STAT6: variants seen among roughly 807,000 people sequenced by gnomAD.
The protein encoded by STAT6 is signal transducer and activator of transcription 6.
A neutral mutation model predicts 106.3 loss-of-function variants in STAT6; 45 were observed. That is an observed-to-expected ratio of 0.42 (90% CI 0.33 to 0.54). The LOEUF is 0.54. Among genes scored for constraint, STAT6 ranks in the 20% least tolerant of loss-of-function variants. The pLI, the probability that STAT6 is intolerant of heterozygous loss-of-function variation, is 0.06. For synonymous variants in STAT6, 413 were observed against 413.6 expected, an observed-to-expected ratio of 1.00 and a Z score of 0.02; for missense variants, 797 against 1,062.2, an observed-to-expected ratio of 0.75 and a Z score of 3.47.
chr12:57,104,496 G>A lies in STAT6; in HGVS notation c.1180C>T (p.Leu394Phe). 6.2e-7 allele frequency: 1 copy of A among 1,612,244 alleles called. No individual in the cohort carries two copies. The highest frequency in any genetic ancestry group is 1.7e-5 in the Admixed American group (1 of 59,794). ...TGGATGGGGAGTTTGCCGGGGCCAA[G>A]TGTGAAGCTGGCAGAGAAGAGCACA... ...CAVLFSASFT[L>F]GPGKLPIQLQ... is the part of the protein sequence containing the mutation. Residue 394 changes from leucine (L) to phenylalanine (F), a missense_variant, in exon 11 of 22, where the codon CTT becomes TTT. Coordinates refer to ENST00000300134, the MANE Select transcript of STAT6 (RefSeq NM_003153.5).
intron 11 of STAT6, chr12:57,103,374 A>G (rs1366763583): frequency 6.4e-6 from 1 of 156,702 alleles, no homozygotes; most frequent in Admixed American, 6.3e-5. Context: ...CGTGTTAGCC[A>G]GGATGGTCTC....
Position 57,097,008 on chromosome 12 carries a change from G to C in STAT6, c.2226-30C>G, listed in dbSNP as rs567498332. ...CAGGAACCAGCAATGGAAATAAGGA[G>C]AGCGGGGCAAGGCCAGGAAAGAAGA... On this transcript the variant is annotated intron_variant, in intron 20 of 21. Transcript: ENST00000300134. The C allele has an allele frequency of 4.8e-5, 77 of 1,608,826 alleles. No homozygotes were observed. The South Asian group carries it at 8.4e-4, about 17-fold the overall frequency.
chr12:57,100,638 G>GAGAAAGAAAGAAAGAAAGAAAGAAAGAA (rs201086579), intron 13 of STAT6, among the ~76,000 whole-genome samples: 3 of 100,140 alleles, frequency 3.0e-5, no homozygotes, highest in East Asian at 3.2e-4. Flanking sequence ...GAAAGAGAAA[G>GAGAAAGAAAGAAAGAAAGAAAGAAAGAA]AGAAAGAAAG....
intron 13 of STAT6, among the ~76,000 whole-genome samples, chr12:57,101,229 C>T (rs1169057512): frequency 6.6e-6 from 1 of 152,020 alleles, no homozygotes; most frequent in African/African-American, 2.4e-5. Context: ...GTTGGGACTA[C>T]AGGCATGCGC....
chr12:57,104,768 G>T lies in STAT6; in HGVS notation c.1047C>A (p.Asn349Lys). ...CAGAGCAGCAGTTCCCAGGAATGCT[G>T]TTCTCCAAGGGCACAGTGTTGTTGA... ...EIINNTVPLE[N>K]SIPGNCCSAL... Residue 349 changes from asparagine to lysine, a missense_variant, in exon 10 of 22, where the codon AAC becomes AAA. Physicochemically the swap from Asn to Lys is moderately conservative, Grantham distance 94. Transcript: ENST00000300134. The T allele has an allele frequency of 6.2e-7, 1 of 1,614,156 alleles. No individual in the cohort carries two copies. The highest frequency in any genetic ancestry group is 8.5e-7 in the Non-Finnish European group (1 of 1,180,022).
intron 13 of STAT6, among the ~76,000 whole-genome samples, chr12:57,100,665 AAAG>A (rs1430639483): frequency 3.2e-5 from 2 of 62,904 alleles, no homozygotes; most frequent in Admixed American, 3.5e-4. Flanking sequence ...AGAAAGAAAG[AAAG>A]AAAGAAAGAA....
At chr12:57,109,720 T>C (rs1368017113) in intron 1 of STAT6, among the ~76,000 whole-genome samples, 1 of 151,698 alleles carries the variant, frequency 6.6e-6, no homozygotes, top group Admixed American at 6.6e-5. Flanking sequence ...CGAAAACAGG[T>C]AGAAAGGAGA....
At position 57,100,895 on chromosome 12, in the gene STAT6, C is replaced by T. The variant is rs1421639000; in HGVS notation, c.1513-805G>A. 6.6e-6 allele frequency: 3 copies of T among 455,280 alleles called. No homozygotes were observed. The East Asian group carries it at 2.1e-4, about 32-fold the overall frequency. 28.2% of individuals were successfully genotyped at this position (455,280 alleles called of 1,614,324 possible). A position where few individuals can be genotyped will look rare whatever the true frequency, so the allele number is the denominator to read the frequency against. ...ACATAACCCTCTGAGCATCAGATTC[C>T]TCATCTGTAAAATGGGGATAATAAT... On this transcript the variant is annotated intron_variant, in intron 13 of 21. Transcript: ENST00000300134.
In STAT6 at chr12:57,098,533, A is replaced by T. The variant is rs138299683; in HGVS notation, c.2131T>A (p.Ser711Thr). The T allele has an allele frequency of 6.2e-7, 1 of 1,614,022 alleles. No homozygotes were observed. Among genetic ancestry groups the T allele is most frequent in the Non-Finnish European group, 8.5e-7 (1 of 1,180,032 alleles). The change falls in exon 19 of 22, where the codon TCA becomes ACA. Residue 711 changes from serine to threonine, a missense_variant. Physicochemically the swap from Ser to Thr is moderately conservative, Grantham distance 58. Around this residue, in one of 4 missense-constraint regions of STAT6, gnomAD observed 226 missense variants for 236.7 expected, o/e 0.95. Transcript: ENST00000300134. Reference sequence around the variant, plus strand: ...TGGAAGGCTGACAACACGTTGACTGATTCTTCTGGGGAGAGGCCTTGATAC... The same window carrying T: ...TGGAAGGCTGACAACACGTTGACTGTTTCTTCTGGGGAGAGGCCTTGATAC... ...PPYQGLSPEE[S>T]VNVLSAFQEP...
At chr12:57,107,536 C>A in intron 3 of STAT6, 69 bp downstream of exon 3, 1 of 1,556,316 alleles carries the variant, frequency 6.4e-7, no homozygotes, top group South Asian at 1.2e-5. Context: ...AATTTTCTTC[C>A]AGGGCCCAAT....
intron 13 of STAT6, 79 bp downstream of exon 13, chr12:57,102,211 G>A: frequency 2.0e-6 from 3 of 1,479,232 alleles, no homozygotes; most frequent in Non-Finnish European, 2.8e-6. Flanking sequence ...GAAGGTCCCT[G>A]CATGGAGGCT....
intron 13 of STAT6, among the ~76,000 whole-genome samples, chr12:57,100,656 GAA>G (rs753767413): frequency 1.5e-4 from 6 of 40,992 alleles, no homozygotes; most frequent in African/African-American, 5.1e-4. Flanking sequence ...AAGAAAGAAA[GAA>G]AGAAAGAAAG....
At chr12:57,101,687 CAG>C (rs1330565370) in intron 13 of STAT6, among the ~76,000 whole-genome samples, 1 of 117,596 alleles carries the variant, frequency 8.5e-6, no homozygotes, top group Admixed American at 1.1e-4. Flanking sequence ...TTTTTTGAGA[CAG>C]AGTCTTGCTC....
In STAT6 at chr12:57,098,519, C is replaced by T. The variant is rs1327037373; in HGVS notation, c.2145G>A (p.Leu715=). The T allele has an allele frequency of 1.2e-6, 2 of 1,614,014 alleles. No homozygotes were observed. The highest frequency in any genetic ancestry group is 2.7e-5 in the African/African-American group (2 of 74,908). Residue 715 remains leucine, a synonymous_variant, in exon 19 of 22, where the codon TTG becomes TTA. Coordinates refer to ENST00000300134, the MANE Select transcript of STAT6 (RefSeq NM_003153.5). ...TTTTCACTTACTCCTGGAAGGCTGA[C>T]AACACGTTGACTGATTCTTCTGGGG... ...GLSPEESVNV[L]SAFQEPHLQM...
intron 2 of STAT6, 49 bp downstream of exon 2, chr12:57,108,114 A>G (rs1222433775): frequency 1.7e-6 from 2 of 1,191,376 alleles, no homozygotes; most frequent in East Asian, 2.4e-5. Flanking sequence ...GAGAAGGAAG[A>G]TGAGTTAGGG....
At position 57,105,305 on chromosome 12, in the gene STAT6, G is replaced by T; in HGVS notation, c.847C>A (p.Leu283Met). 1 of 1,614,158 alleles carries T rather than the reference G, an allele frequency of 6.2e-7. No homozygotes were observed. Among genetic ancestry groups the T allele is most frequent in the Non-Finnish European group, 8.5e-7 (1 of 1,180,004 alleles). The stretch of plus-strand genomic sequence containing the variant: ...GCCTGGAACTTGGTCTGAGTCTTCA[G>T]TACCTGGGGGGGCTGCTTCTCCACC... ...FLVEKQPPQV[L>M]KTQTKFQAGV... Residue 283 changes from leucine (L) to methionine (M), a missense_variant, in exon 9 of 22, where the codon CTG (leucine) becomes ATG (methionine). Transcript: ENST00000300134.
chr12:57,097,791 G>A (rs1179998783), intron 19 of STAT6, among the ~76,000 whole-genome samples: 9 of 152,202 alleles, frequency 5.9e-5, no homozygotes, highest in Non-Finnish European at 1.3e-4. Context: ...GCCGAGTGTC[G>A]TGGTGCACTA....
intron 13 of STAT6, among the ~76,000 whole-genome samples, chr12:57,100,676 G>A (rs1344094332): frequency 1.9e-4 from 9 of 47,536 alleles, no homozygotes; most frequent in Admixed American, 7.2e-4. Flanking sequence ...AAGAAAGAAA[G>A]AAAGAAAGAA....
intron 9 of STAT6, 90 bp from the exon 10 acceptor site, chr12:57,104,903 C>T (rs1373082197): frequency 3.4e-6 from 5 of 1,450,602 alleles, no homozygotes; most frequent in Non-Finnish European, 4.8e-6. Context: ...CCCACTGTCA[C>T]CAGCCCTAAA....
Sources: gnomAD v4.1 joint callset for allele counts (sites outside exome capture counted in the v4.1 genomes callset) on GRCh38, gnomAD v4.1.1 for gene constraint, gnomAD v4.1.1 regional missense constraint, MANE v1.5 for transcripts, NCBI Gene and HGNC (gene_info 2026-07-23, HGNC 2026-07-21) for gene names.